Variants in EPG5 observed in about 807,000 individuals in gnomAD.
EPG5 encodes ectopic P granules protein 5 homolog.
In EPG5, 159 loss-of-function variants were observed where a neutral mutation model predicts 302.7. The ratio of observed to expected loss-of-function variants is 0.53; its 90% confidence interval spans 0.46 to 0.60. The LOEUF is 0.60. EPG5 is among the 20% of genes least tolerant of loss of function. The pLI is 0.00. For synonymous variants in EPG5, 1,158 were observed against 1,136.8 expected (o/e 1.02, Z -0.37); for missense variants, 2,896 against 3,092.4 (o/e 0.94, Z 1.51).
intron 34 of EPG5, among the ~76,000 whole-genome samples, chr18:45,878,142 A>G (rs977765259): frequency 1.3e-5 from 2 of 152,218 alleles, no homozygotes; most frequent in Non-Finnish European, 2.9e-5. Flanking sequence ...AAAACTGGAA[A>G]TGAGTGTCCA....
chr18:45,879,407 G>A (rs1265001740), intron 32 of EPG5, among the ~76,000 whole-genome samples, 193 bp from the exon 33 acceptor site: 4 of 152,224 alleles, frequency 2.6e-5, no homozygotes, highest in South Asian at 2.1e-4. Flanking sequence ...TTGCTCTGTC[G>A]CCTAGGCTGG....
intron 9 of EPG5, among the ~76,000 whole-genome samples, chr18:45,941,109 G>A (rs755825035): frequency 6.6e-6 from 1 of 151,934 alleles, no homozygotes; most frequent in African/African-American, 2.4e-5. Context: ...AGAGAAGAGA[G>A]GTCCAGGGAC....
intron 3 of EPG5, 145 bp from the exon 4 acceptor site, chr18:45,951,383 A>G (rs2050905875): frequency 2.1e-6 from 1 of 475,392 alleles, no homozygotes; most frequent in East Asian, 3.6e-5. Flanking sequence ...AAATACTTAA[A>G]TTTTTATAAA....
intron 1 of EPG5, among the ~76,000 whole-genome samples, chr18:45,959,703 G>A (rs7237861): frequency 0.18 from 26,591 of 149,606 alleles, 3,545 homozygotes; most frequent in African/African-American, 0.34. Context: ...AATAGGCCTG[G>A]GTGCAGTGGC....
At position 45,870,615 on chromosome 18, in the gene EPG5, T is replaced by A; in HGVS notation, c.6177A>T (p.Pro2059=). The change falls in exon 36 of 44, where the codon CCA becomes CCT. Residue 2059 remains proline, a synonymous_variant. Coordinates refer to ENST00000282041, the MANE Select transcript of EPG5 (RefSeq NM_020964.3). Reference sequence around the variant, plus strand: ...TCTGGTCAGGGTGCAGGTCCTTCCATGGCAGTTTCCGGTACGTGCTATGGA... The same window carrying A: ...TCTGGTCAGGGTGCAGGTCCTTCCAAGGCAGTTTCCGGTACGTGCTATGGA... The part of the protein sequence containing the change: ...YAFHSTYRKL[P]WKDLHPDQML... 2 of 1,614,070 alleles carry A rather than the reference T, an allele frequency of 1.2e-6. No homozygotes were observed. Among genetic ancestry groups the A allele is most frequent in the Non-Finnish European group, 1.7e-6 (2 of 1,179,990 alleles).
chr18:45,863,676 G>A (rs1157902015), intron 39 of EPG5, among the ~76,000 whole-genome samples: 1 of 152,060 alleles, frequency 6.6e-6, no homozygotes, highest in African/African-American at 2.4e-5. Flanking sequence ...TACAATTCTA[G>A]GTTATGAGTC....
At chr18:45,868,696 A>G (rs1209372236) in intron 36 of EPG5, among the ~76,000 whole-genome samples, 3 of 150,706 alleles carry the variant, frequency 2.0e-5, no homozygotes, top group Non-Finnish European at 4.4e-5. Flanking sequence ...GTAATGCTGT[A>G]TTATAACAAT....
chr18:45,826,398 C>T, the EPG5 span, among the ~76,000 whole-genome samples: 5 of 152,118 alleles, frequency 3.3e-5, no homozygotes, highest in African/African-American at 1.2e-4. Context: ...CATCAGAATC[C>T]CTGGGGTTAG....
chr18:45,927,913 G>C (rs2145798608), intron 13 of EPG5, among the ~76,000 whole-genome samples: 1 of 152,244 alleles, frequency 6.6e-6, no homozygotes, highest in East Asian at 1.9e-4. Flanking sequence ...TGATAGCTGG[G>C]CCAGGCACGG....
chr18:45,953,718 T>C, intron 2 of EPG5: 1 of 985,282 alleles, frequency 1.0e-6, no homozygotes, highest in Non-Finnish European at 1.2e-6. Flanking sequence ...GGACTCTCCA[T>C]TGCTTATAGT....
At chr18:45,865,856 G>C (rs1461521062) in intron 38 of EPG5, 97 bp from the exon 39 acceptor site, 5 of 1,356,804 alleles carry the variant, frequency 3.7e-6, no homozygotes, top group Non-Finnish European at 5.1e-6. Flanking sequence ...TGAATGCTTG[G>C]GTAGGGAGTA....
chr18:45,904,595 T>C (rs887032702), intron 24 of EPG5, among the ~76,000 whole-genome samples: 2 of 152,172 alleles, frequency 1.3e-5, no homozygotes, highest in Non-Finnish European at 2.9e-5. Flanking sequence ...GGAGCCTCTA[T>C]GGACAAACTA....
intron 1 of EPG5, among the ~76,000 whole-genome samples, chr18:45,958,888 C>A (rs1188517807): frequency 6.6e-6 from 1 of 152,150 alleles, no homozygotes; most frequent in Admixed American, 6.5e-5. Context: ...TAAACTGGTT[C>A]ATCTGATCTT....
intron 35 of EPG5, among the ~76,000 whole-genome samples, chr18:45,873,465 C>T (rs2048912618): frequency 6.6e-6 from 1 of 151,796 alleles, no homozygotes; most frequent in East Asian, 1.9e-4. Context: ...AGCCAAGATC[C>T]TGCCACTGCA....
chr18:45,823,736 G>A, the EPG5 span, among the ~76,000 whole-genome samples: 221 of 152,308 alleles, frequency 1.5e-3, no homozygotes, highest in African/African-American at 4.7e-3. Context: ...TATAGCCCAG[G>A]AAAAGGAGGG....
the EPG5 span, among the ~76,000 whole-genome samples, chr18:45,820,393 C>T: frequency 6.6e-6 from 1 of 152,170 alleles, no homozygotes; most frequent in Admixed American, 6.5e-5. Context: ...CTGATTTGAC[C>T]TCCCTGGCTT....
At chr18:45,843,804 A>T (rs2048344422), downstream of EPG5, 2 of 152,224 alleles carry the variant, frequency 1.3e-5, no homozygotes, top group South Asian at 4.1e-4. Flanking sequence ...GCTTGAACCC[A>T]GGAGGCAGAG....
intron 4 of EPG5, 96 bp downstream of exon 4, chr18:45,951,006 A>C (rs917419485): frequency 4.2e-5 from 42 of 1,008,684 alleles, no homozygotes; most frequent in Non-Finnish European, 5.6e-5. Flanking sequence ...AAATTAGCTG[A>C]AAAAGTTGAA....
intron 1 of EPG5, among the ~76,000 whole-genome samples, chr18:45,961,316 G>A (rs2051143750): frequency 6.6e-6 from 1 of 152,192 alleles, no homozygotes; most frequent in Admixed American, 6.5e-5. Context: ...ATGTCACTCA[G>A]AGTAAAAGCT....
Sources: gnomAD v4.1 joint callset for allele counts (sites outside exome capture counted in the v4.1 genomes callset) on GRCh38, gnomAD v4.1.1 for gene constraint, MANE v1.5 for transcripts, NCBI Gene and HGNC (gene_info 2026-07-23, HGNC 2026-07-21) for gene names.